The following SOD2 variants were observed in gnomAD, a reference collection of about 807,000 sequenced individuals.
SOD2 encodes the protein superoxide dismutase 2.
SOD2 carries 11 observed loss-of-function variants against 27.0 expected under a neutral mutation model. The observed-to-expected ratio is 0.41, with a 90% confidence interval of 0.26 to 0.67. SOD2 has a LOEUF of 0.67. Among genes scored for constraint, SOD2 ranks in the 30% least tolerant of loss-of-function variants. The pLI, the probability that SOD2 is intolerant of heterozygous loss-of-function variation, is 0.34. For missense variants in SOD2, 250 were observed against 274.5 expected (o/e 0.91, Z 0.63); for synonymous variants, 105 against 103.0 (o/e 1.02, Z -0.12).
At chr6:159,741,081 G>T (rs978487676) in intron 1 of SOD2, among the ~76,000 whole-genome samples, 3 of 152,116 alleles carry the variant, frequency 2.0e-5, no homozygotes, top group Non-Finnish European at 4.4e-5. Flanking sequence ...TTAATTAATT[G>T]TACCTGAAGA....
chr6:159,680,798 T>A lies in SOD2; in HGVS notation c.*1695A>T, dbSNP rs1213941677. The A allele has an allele frequency of 2.0e-5, 3 of 151,878 alleles. No homozygotes were observed. Among genetic ancestry groups the A allele is most frequent in the African/African-American group, 7.3e-5 (3 of 41,336 alleles). 9.4% of individuals were successfully genotyped at this position (151,878 alleles called of 1,614,324 possible). On this transcript the variant is annotated 3_prime_UTR_variant, in exon 5 of 5. Coordinates refer to ENST00000538183, the MANE Select transcript of SOD2 (RefSeq NM_000636.4). ...TAAAAATACAAAAAGTAGCCAGGCATGGTAGCATGCACCTGTAATCCCAGC... is the reference window on the plus strand; with the variant it reads ...TAAAAATACAAAAAGTAGCCAGGCAAGGTAGCATGCACCTGTAATCCCAGC...
chr6:159,755,685 T>G, intron 1 of SOD2: 2 of 1,344,842 alleles, frequency 1.5e-6, no homozygotes, highest in East Asian at 2.7e-5. Context: ...TAATGCATAC[T>G]TTTGTCACAA....
chr6:159,749,887 A>G (rs936380818), upstream of SOD2, among the ~76,000 whole-genome samples: 1 of 152,190 alleles, frequency 6.6e-6, no homozygotes, highest in Non-Finnish European at 1.5e-5. Context: ...CACCAATTCA[A>G]ATTTTCGCTT....
chr6:159,739,513 TC>T (rs1779115427), intron 1 of SOD2, among the ~76,000 whole-genome samples: 2 of 152,350 alleles, frequency 1.3e-5, no homozygotes, highest in African/African-American at 4.8e-5. Flanking sequence ...TCTGCGGTTA[TC>T]TTGTAAATGT....
At chr6:159,686,546 G>A (rs1379793571) in intron 3 of SOD2, among the ~76,000 whole-genome samples, 1 of 152,172 alleles carries the variant, frequency 6.6e-6, no homozygotes, top group African/African-American at 2.4e-5. Context: ...TACTCGGGAG[G>A]CTGAGGCAGA....
chr6:159,705,102 A>G (rs1777597660), intron 1 of SOD2, among the ~76,000 whole-genome samples: 1 of 152,124 alleles, frequency 6.6e-6, no homozygotes, highest in African/African-American at 2.4e-5. Context: ...AAGGACATCC[A>G]CTCCAAAACC....
At chr6:159,725,830 T>C in intron 1 of SOD2, 1 of 152,158 alleles carries the variant, frequency 6.6e-6, no homozygotes. Flanking sequence ...TGCTTTTGAA[T>C]ACAGTGAATA....
chr6:159,755,294 T>G (rs773939860), intron 1 of SOD2: 6 of 1,614,158 alleles, frequency 3.7e-6, no homozygotes, highest in Non-Finnish European at 5.1e-6. Flanking sequence ...TGGGTCTGGA[T>G]TTCACAGGGA....
At chr6:159,742,991 A>AT (rs2114926011) in intron 1 of SOD2, among the ~76,000 whole-genome samples, 1 of 152,342 alleles carries the variant, frequency 6.6e-6, no homozygotes, top group Admixed American at 6.5e-5. Context: ...GGGTAACAGA[A>AT]TAAGATCCTG....
In SOD2 at chr6:159,682,488, G is replaced by C. The variant is rs534777932; in HGVS notation, c.*5C>G. ...GCTTAACATACTCAGCATAACGATC[G>C]TGGTTTACTTTTTGCAAGCCATGTA... On this transcript the variant is annotated 3_prime_UTR_variant, in exon 5 of 5. Coordinates refer to ENST00000538183, the MANE Select transcript of SOD2 (RefSeq NM_000636.4). 6.2e-6 allele frequency: 10 copies of C among 1,612,828 alleles called. No individual in the cohort carries two copies. The South Asian group carries it at 9.9e-5, about 16-fold the overall frequency.
At chr6:159,710,686 C>G (rs1032702296) in intron 1 of SOD2, among the ~76,000 whole-genome samples, 1 of 151,894 alleles carries the variant, frequency 6.6e-6, no homozygotes, top group Non-Finnish European at 1.5e-5. Flanking sequence ...TCCCCTCATA[C>G]TGCTCTGATC....
intron 1 of SOD2, among the ~76,000 whole-genome samples, chr6:159,733,172 G>GA (rs3834278): frequency 8.9e-6 from 1 of 112,918 alleles, no homozygotes; most frequent in Non-Finnish European, 2.2e-5. Context: ...CCAATTTAAA[G>GA]AAAAAAAGAA....
At position 159,678,065 on chromosome 6, in the gene SOD2, A is replaced by G. The variant is rs1183381552; in HGVS notation, c.*4428T>C. 3 of 152,160 alleles carry G rather than the reference A, an allele frequency of 2.0e-5. No individual in the cohort carries two copies. Among genetic ancestry groups the G allele is most frequent in the Non-Finnish European group, 2.9e-5 (2 of 68,026 alleles). The allele number at this position is 152,160 out of a possible 1,614,324, so 9.4% of individuals were successfully genotyped here. A position where few individuals can be genotyped will look rare whatever the true frequency, so the allele number is the denominator to read the frequency against. ...AGGTTGAGTTAATCGCCAATTGCCA[A>G]TGGTAATGCTGACATAATGAAGCCT... On this transcript the variant is annotated 3_prime_UTR_variant, in exon 5 of 5. Transcript: ENST00000538183.
At chr6:159,753,290 A>G in intron 1 of SOD2, 1 of 981,114 alleles carries the variant, frequency 1.0e-6, no homozygotes, top group Non-Finnish European at 1.5e-6. Context: ...TTGGCAAAAT[A>G]CTGAAATGCA....
In SOD2 at chr6:159,739,129, T is replaced by TA. The variant is rs1779092230; in HGVS notation, c.-116+6000dup. The TA allele has an allele frequency of 4.3e-6, 5 of 1,152,926 alleles. No homozygotes were observed. In the Admixed American group the frequency reaches 1.1e-4, roughly 26 times the overall value. The allele number at this position is 1,152,926 out of a possible 1,614,324, so 71.4% of individuals were successfully genotyped here. On this transcript the variant is annotated intron_variant, in intron 1 of 3. Coordinates refer to the SOD2 transcript ENST00000537657. ...ACACTGTAATTGTCTTTGTGCCAGA[T>TA]ATTGTTTTTAATGTTGTTCTATCCT...
At chr6:159,727,374 T>TGGCAGGAGCCGGGAGGCGGGA, upstream of SOD2, 1 of 1,032,512 alleles carries the variant, frequency 9.7e-7, no homozygotes, top group Non-Finnish European at 1.2e-6. Context: ...GCGGGGAGGC[T>TGGCAGGAGCCGGGAGGCGGGA]GGCGGGAGGC....
At chr6:159,702,718 G>A (rs1562432713) in intron 1 of SOD2, among the ~76,000 whole-genome samples, 1 of 150,520 alleles carries the variant, frequency 6.6e-6, no homozygotes, top group Non-Finnish European at 1.5e-5. Flanking sequence ...AGGCATGGTG[G>A]TGTGCGCCTG....
intron 1 of SOD2, among the ~76,000 whole-genome samples, chr6:159,705,841 G>GA (rs1216746091): frequency 6.6e-6 from 1 of 152,154 alleles, no homozygotes; most frequent in African/African-American, 2.4e-5. Flanking sequence ...TGAAATGAAG[G>GA]AAAAAATGTT....
chr6:159,697,057 ACAC>A (rs1777434010), upstream of SOD2, among the ~76,000 whole-genome samples: 2 of 151,684 alleles, frequency 1.3e-5, no homozygotes, highest in Non-Finnish European at 3.0e-5. Flanking sequence ...ACACACACAC[ACAC>A]ACACACACAC....
Sources: gnomAD v4.1 joint callset for allele counts (sites outside exome capture counted in the v4.1 genomes callset) on GRCh38, gnomAD v4.1.1 for gene constraint, MANE v1.5 for transcripts, NCBI Gene and HGNC (gene_info 2026-07-23, HGNC 2026-07-21) for gene names.